The following ANO10 variants were observed in gnomAD, a reference collection of about 807,000 sequenced individuals.
The protein encoded by ANO10 is anoctamin 10.
Under a neutral mutation model 74.7 loss-of-function variants are expected in ANO10, and 77 were observed. The ratio of observed to expected loss-of-function variants is 1.03; its 90% confidence interval spans 0.86 to 1.25. ANO10 has a LOEUF of 1.25. Among genes scored for constraint, ANO10 ranks in the 50% most tolerant of loss-of-function variants. The pLI, the probability that ANO10 is intolerant of heterozygous loss-of-function variation, is 0.00. For missense variants in ANO10, 721 were observed against 778.1 expected (o/e 0.93, Z 0.87); for synonymous variants, 279 against 284.9 (o/e 0.98, Z 0.21).
At chr3:43,390,095 C>G (rs2092237161) in intron 12 of ANO10, among the ~76,000 whole-genome samples, 1 of 152,192 alleles carries the variant, frequency 6.6e-6, no homozygotes, top group African/African-American at 2.4e-5. Flanking sequence ...GTTCTTCATT[C>G]TTAGGGAAGT....
Position 43,382,380 on chromosome 3 carries a change from G to A in ANO10, c.1915-15406C>T, listed in dbSNP as rs184909988. Among the ~76,000 whole-genome samples, 151 of 152,036 alleles carry A rather than the reference G, an allele frequency of 9.9e-4. 1 individual carries two copies. The highest frequency in any genetic ancestry group is 2.9e-3 in the African/African-American group (119 of 41,462). On this transcript the variant is annotated intron_variant, in intron 12 of 12. Coordinates refer to ENST00000292246, the MANE Select transcript of ANO10 (RefSeq NM_018075.5). ...TAAAAATACAAAAAATTAGCCGGGC[G>A]TGGTAGCGGGCGCCTGTAGTCCCAG...
intron 12 of ANO10, among the ~76,000 whole-genome samples, chr3:43,431,229 T>G (rs2092975890): frequency 6.6e-6 from 1 of 151,792 alleles, no homozygotes; most frequent in Admixed American, 6.6e-5. Flanking sequence ...TGCACCACCA[T>G]GCCTGGCTAA....
At chr3:43,547,085 T>C (rs2079228012) in intron 11 of ANO10, among the ~76,000 whole-genome samples, 1 of 152,076 alleles carries the variant, frequency 6.6e-6, no homozygotes, top group African/African-American at 2.4e-5. Flanking sequence ...CGAACACCAA[T>C]TGGAATGATA....
Position 43,483,465 on chromosome 3 carries a change from A to T in ANO10, c.1798-50738T>A, listed in dbSNP as rs1575221778. Reference sequence around the variant, plus strand: ...CCATGCCTCTGGGGTAACACGTAACACTTGGTCTGGTTCCTAACCATGCAA... The same window carrying T: ...CCATGCCTCTGGGGTAACACGTAACTCTTGGTCTGGTTCCTAACCATGCAA... On this transcript the variant is annotated intron_variant, in intron 11 of 12. Coordinates refer to ENST00000292246, the MANE Select transcript of ANO10 (RefSeq NM_018075.5). 3.3e-5 allele frequency among the ~76,000 whole-genome samples: 5 copies of T among 152,254 alleles called. No individual in the cohort carries two copies. In the South Asian group the frequency reaches 1.0e-3, roughly 31 times the overall value.
intron 1 of ANO10, among the ~76,000 whole-genome samples, chr3:43,680,615 C>G (rs2084183278): frequency 6.6e-6 from 1 of 152,084 alleles, no homozygotes; most frequent in African/African-American, 2.4e-5. Context: ...AGAGCAACTC[C>G]AAGACACATA....
chr3:43,649,248 T>C (rs1361627044), intron 1 of ANO10, among the ~76,000 whole-genome samples: 1 of 152,250 alleles, frequency 6.6e-6, no homozygotes, highest in African/African-American at 2.4e-5. Flanking sequence ...CATTTGACTT[T>C]ACTCTTCCAT....
At chr3:43,436,886 G>C (rs2093076211) in intron 11 of ANO10, among the ~76,000 whole-genome samples, 1 of 152,192 alleles carries the variant, frequency 6.6e-6, no homozygotes, top group African/African-American at 2.4e-5. Flanking sequence ...GCAAATTAGA[G>C]TTGAATTCTT....
chr3:43,572,093 AAGG>A (rs2080759731), intron 7 of ANO10, among the ~76,000 whole-genome samples: 1 of 152,126 alleles, frequency 6.6e-6, no homozygotes, highest in African/African-American at 2.4e-5. Context: ...CACCCAACAG[AAGG>A]AGGAGACCAA....
chr3:43,596,150 A>C (rs142641363), intron 4 of ANO10, among the ~76,000 whole-genome samples: 3,595 of 152,324 alleles, frequency 0.024, 70 homozygotes, highest in Admixed American at 0.035. Context: ...ATGCTCATGG[A>C]TAGGAAGAAT....
At chr3:43,443,396 TG>T (rs1450939135) in intron 11 of ANO10, among the ~76,000 whole-genome samples, 10 of 152,194 alleles carry the variant, frequency 6.6e-5, no homozygotes, top group Non-Finnish European at 1.2e-4. Context: ...TTTTCTTCTT[TG>T]GTAGGTCTGG....
intron 12 of ANO10, among the ~76,000 whole-genome samples, chr3:43,409,734 A>C (rs2092634315): frequency 6.6e-6 from 1 of 152,216 alleles, no homozygotes; most frequent in South Asian, 2.1e-4. Context: ...CAACAAAAGA[A>C]CAACTATAAC....
intron 4 of ANO10, among the ~76,000 whole-genome samples, chr3:43,585,064 G>T (rs1353864094): frequency 6.6e-6 from 1 of 152,070 alleles, no homozygotes; most frequent in Non-Finnish European, 1.5e-5. Context: ...AGTTTTATTA[G>T]TTCTAAAATT....
At chr3:43,574,633 T>C (rs2080908815) in intron 7 of ANO10, among the ~76,000 whole-genome samples, 176 bp downstream of exon 7, 1 of 152,176 alleles carries the variant, frequency 6.6e-6, no homozygotes, top group Non-Finnish European at 1.5e-5. Context: ...ACATGCACAT[T>C]TGTAATAAGG....
At chr3:43,371,724 C>G (rs2091619108) in intron 12 of ANO10, among the ~76,000 whole-genome samples, 1 of 152,106 alleles carries the variant, frequency 6.6e-6, no homozygotes, top group East Asian at 1.9e-4. Flanking sequence ...CTGACATGGC[C>G]CTGGGGACTC....
chr3:43,454,981 C>G (rs1055609631), intron 11 of ANO10, among the ~76,000 whole-genome samples: 1 of 152,108 alleles, frequency 6.6e-6, no homozygotes, highest in Non-Finnish European at 1.5e-5. Context: ...GGAGCCTGTG[C>G]TGGAGACATG....
chr3:43,427,388 A>T (rs1387940784), intron 12 of ANO10, among the ~76,000 whole-genome samples: 1 of 152,216 alleles, frequency 6.6e-6, no homozygotes, highest in African/African-American at 2.4e-5. Context: ...ATAGGGTCTA[A>T]GTACATGTGT....
chr3:43,565,676 T>C lies in ANO10; in HGVS notation c.1270A>G (p.Lys424Glu), dbSNP rs1267557783. The C allele has an allele frequency of 1.9e-6, 3 of 1,575,666 alleles. No homozygotes were observed. The Admixed American group carries it at 5.4e-5, about 28-fold the overall frequency. Residue 424 changes from lysine to glutamate, a missense_variant, in exon 8 of 13, where the codon AAA becomes GAA. Physicochemically the swap from Lys to Glu is moderately conservative, Grantham distance 56. Transcript: ENST00000292246. ...ACCTGGCGCAAAAGCTTCATATCTT[T>C]CAAGACAAAGGCAATATAGAAGAGT... ...ASLFYIAFVL[K>E]DMKLLRQSLA... is the part of the protein sequence containing the mutation.
At chr3:43,563,455 A>C (rs990918053) in intron 8 of ANO10, among the ~76,000 whole-genome samples, 12 of 149,690 alleles carry the variant, frequency 8.0e-5, no homozygotes, top group African/African-American at 9.8e-5. Flanking sequence ...CTAAAAAAAA[A>C]CCTGAAAATA....
At chr3:43,517,971 G>T (rs1427587455) in intron 11 of ANO10, among the ~76,000 whole-genome samples, 1 of 152,166 alleles carries the variant, frequency 6.6e-6, no homozygotes. Context: ...ACTTTGTCCA[G>T]CACCAGTTTA....
Sources: allele counts gnomAD v4.1 joint callset (sites outside exome capture counted in the v4.1 genomes callset), GRCh38; gene constraint gnomAD v4.1.1; transcripts MANE v1.5; gene names NCBI Gene and HGNC (gene_info 2026-07-23, HGNC 2026-07-21).